Variants in KCTD1 observed in about 807,000 individuals in gnomAD.
KCTD1 encodes potassium channel tetramerization domain containing 1.
In KCTD1, 24 loss-of-function variants were observed where a neutral mutation model predicts 66.0. The ratio of observed to expected loss-of-function variants is 0.36; its 90% confidence interval spans 0.26 to 0.51. The LOEUF (loss-of-function observed/expected upper bound fraction) is 0.51, where lower values mean the gene tolerates loss of function less well. KCTD1 is among the 20% of genes least tolerant of loss of function. The pLI is 0.95. For synonymous variants in KCTD1, 511 were observed against 517.2 expected, an observed-to-expected ratio of 0.99 and a Z score of 0.16; for missense variants, 943 against 1,205.2, an observed-to-expected ratio of 0.78 and a Z score of 3.22.
intron 2 of KCTD1, among the ~76,000 whole-genome samples, chr18:26,497,927 G>A (rs953606915): frequency 2.0e-5 from 3 of 152,200 alleles, no homozygotes; most frequent in Admixed American, 2.0e-4. Context: ...CAGATGTAAA[G>A]CTGCTTCCAT....
intron 3 of KCTD1, among the ~76,000 whole-genome samples, chr18:26,472,647 T>C (rs1981131323): frequency 6.6e-6 from 1 of 152,178 alleles, no homozygotes; most frequent in Admixed American, 6.5e-5. Flanking sequence ...ACTTACTCCC[T>C]AAAGTGGGAA....
chr18:26,577,636 T>C (rs1223092741), intron 1 of KCTD1, among the ~76,000 whole-genome samples: 2 of 152,158 alleles, frequency 1.3e-5, no homozygotes, highest in Non-Finnish European at 2.9e-5. Flanking sequence ...AACCTTGAAC[T>C]CCTGAGTTCA....
Position 26,577,874 on chromosome 18 carries a change from G to C in KCTD1, c.-16+51273C>G, listed in dbSNP as rs74504018. Among the ~76,000 whole-genome samples the C allele has an allele frequency of 7.2e-3, 1,089 of 152,086 alleles. 8 individuals are homozygous for C. The highest frequency in any genetic ancestry group is 0.012 in the Non-Finnish European group (819 of 67,964). On this transcript the variant is annotated intron_variant, in intron 1 of 4. Coordinates refer to the KCTD1 transcript ENST00000317932. ...CAAGTTTGAACCAGCATGTGTGGCT[G>C]AGCATTTCTTAATTCTGATCACCCA...
At chr18:26,573,028 C>CT (rs1185570819) in intron 1 of KCTD1, among the ~76,000 whole-genome samples, 265 of 146,354 alleles carry the variant, frequency 1.8e-3, no homozygotes, top group African/African-American at 4.9e-3. Context: ...CCACCCCCCC[C>CT]TTTTTTTTTT....
chr18:26,637,842 G>A (rs1987755681), intron 1 of KCTD1, among the ~76,000 whole-genome samples: 1 of 152,212 alleles, frequency 6.6e-6, no homozygotes, highest in East Asian at 1.9e-4. Context: ...CTCATCTGAA[G>A]AGTGGAGACA....
rs1985269663 is a variant in KCTD1 at position 26,547,058 on chromosome 18, G to A, written c.1479C>T (p.His493=). 6.7e-7 allele frequency: 1 copy of A among 1,501,806 alleles called. No homozygotes were observed. The highest frequency in any genetic ancestry group is 8.9e-7 in the Non-Finnish European group (1 of 1,123,598). 93.0% of individuals were successfully genotyped at this position (1,501,806 alleles called of 1,614,324 possible). A position where few individuals can be genotyped will look rare whatever the true frequency, so the allele number is the denominator to read the frequency against. Residue 493 remains histidine, a synonymous_variant, in exon 1 of 5, where the codon CAC becomes CAT. Transcript: ENST00000580059. ...ALNGAARHHS[H]HPPTHPSHHH... ...GGTGGGAGGGATGGGTGGGGGGGTG[G>A]TGGGAGTGGTGCCGTGCCGCCCCGT...
At chr18:26,656,223 T>A (rs1246507371) in intron 1 of KCTD1, among the ~76,000 whole-genome samples, 2 of 152,078 alleles carry the variant, frequency 1.3e-5, no homozygotes, top group African/African-American at 4.8e-5. Context: ...TGCGGGCTCC[T>A]GACTTGGCGC....
intron 1 of KCTD1, among the ~76,000 whole-genome samples, chr18:26,628,515 TAAG>T (rs1382467353): frequency 6.6e-6 from 1 of 152,016 alleles, no homozygotes; most frequent in Non-Finnish European, 1.5e-5. Flanking sequence ...CCAAAGGCAC[TAAG>T]AAGGTCAACT....
At position 26,547,124 on chromosome 18, in the gene KCTD1, C is replaced by T. The variant is rs1439566532; in HGVS notation, c.1413G>A (p.Leu471=). 4 of 1,550,268 alleles carry T rather than the reference C, an allele frequency of 2.6e-6. No homozygotes were observed. Among genetic ancestry groups the T allele is most frequent in the African/African-American group, 1.4e-5 (1 of 73,028 alleles). ...AGCAGCCCTGCGGGGCGGGCGAGCC[C>T]AGCTTGGTGCCAATGCCCGCGATGC... The part of the protein sequence containing the change: ...LNSIAGIGTK[L]GSPAPQGCYA... The change falls in exon 1 of 5, where the codon CTG becomes CTA. Residue 471 remains leucine (L), a synonymous_variant. Transcript: ENST00000580059.
chr18:26,652,088 T>C (rs2053155958), intron 1 of KCTD1, among the ~76,000 whole-genome samples: 1 of 152,182 alleles, frequency 6.6e-6, no homozygotes, highest in Non-Finnish European at 1.5e-5. Flanking sequence ...GAGACTGATA[T>C]GGACCGAGGG....
At chr18:26,637,481 G>T (rs1408946293) in intron 1 of KCTD1, among the ~76,000 whole-genome samples, 1 of 152,198 alleles carries the variant, frequency 6.6e-6, no homozygotes, top group African/African-American at 2.4e-5. Flanking sequence ...ATGTGTTAAG[G>T]CTTCTATTAT....
chr18:26,656,665 T>A (rs1451649044), intron 1 of KCTD1, among the ~76,000 whole-genome samples: 2 of 151,130 alleles, frequency 1.3e-5, no homozygotes, highest in African/African-American at 4.9e-5. Context: ...CAATGGCGTC[T>A]TTCACGGGGC....
At chr18:26,491,378 T>C (rs1982193335) in intron 2 of KCTD1, among the ~76,000 whole-genome samples, 1 of 152,180 alleles carries the variant, frequency 6.6e-6, no homozygotes, top group African/African-American at 2.4e-5. Flanking sequence ...TCACTGACTG[T>C]TGCTAACAAC....
intron 1 of KCTD1, among the ~76,000 whole-genome samples, chr18:26,514,537 G>A (rs931695684): frequency 8.6e-5 from 11 of 128,088 alleles, no homozygotes; most frequent in African/African-American, 1.5e-4. Context: ...GCAACAGAGT[G>A]AGACCTTGTC....
intron 1 of KCTD1, among the ~76,000 whole-genome samples, chr18:26,502,850 G>A (rs954504309): frequency 1.3e-5 from 2 of 152,188 alleles, no homozygotes; most frequent in Non-Finnish European, 2.9e-5. Flanking sequence ...ACCACAAAGG[G>A]GAAGTCATCT....
rs35823608 is a variant in KCTD1, at chr18:26,651,967, T to C, written c.9+5393A>G. Among the ~76,000 whole-genome samples, 686 of 152,056 alleles carry C rather than the reference T, an allele frequency of 4.5e-3. 7 individuals are homozygous for C. The highest frequency in any genetic ancestry group is 0.016 in the African/African-American group (651 of 41,478). On this transcript the variant is annotated intron_variant, in intron 1 of 4. Transcript: ENST00000580191. ...AATACTACTTGCCTCACAGTCTTGT[T>C]TGGAGGGCTCAGGGAGATAGGTATT...
At chr18:26,651,900 G>C (rs1329406928) in intron 1 of KCTD1, among the ~76,000 whole-genome samples, 2 of 152,026 alleles carry the variant, frequency 1.3e-5, no homozygotes, top group South Asian at 2.1e-4. Context: ...CCGAGGTTTC[G>C]GGCATGTTAC....
At chr18:26,558,009 C>G (rs999782082) in intron 1 of KCTD1, among the ~76,000 whole-genome samples, 6 of 152,220 alleles carry the variant, frequency 3.9e-5, no homozygotes, top group Admixed American at 3.3e-4. Flanking sequence ...TGATATGAGT[C>G]CAGCTCTCTG....
chr18:26,457,752 T>C (rs1188090973), intron 4 of KCTD1: 1 of 152,178 alleles, frequency 6.6e-6, no homozygotes, highest in Non-Finnish European at 1.5e-5. Context: ...AGGTATCGGG[T>C]GTCGTAAGCC....
Sources: gnomAD v4.1 joint callset for allele counts (sites outside exome capture counted in the v4.1 genomes callset) on GRCh38, gnomAD v4.1.1 for gene constraint, MANE v1.5 for transcripts, NCBI Gene and HGNC (gene_info 2026-07-23, HGNC 2026-07-21) for gene names.